Variants in PCDHA11 observed in about 807,000 individuals in gnomAD.
The protein encoded by PCDHA11 is protocadherin alpha 11.
Under a neutral mutation model 70.3 loss-of-function variants are expected in PCDHA11, and 61 were observed. That is an observed-to-expected ratio of 0.87 (90% CI 0.71 to 1.07). The LOEUF is 1.07. PCDHA11 is among the 50% of genes least tolerant of loss of function. The pLI is 0.00. For synonymous variants in PCDHA11, 633 were observed against 555.1 expected, an observed-to-expected ratio of 1.14 and a Z score of -1.97; for missense variants, 1,324 against 1,237.5, an observed-to-expected ratio of 1.07 and a Z score of -1.05.
intron 1 of PCDHA11, among the ~76,000 whole-genome samples, chr5:140,935,193 G>A (rs782043966): frequency 3.3e-5 from 5 of 152,122 alleles, no homozygotes; most frequent in Non-Finnish European, 4.4e-5. Flanking sequence ...GTCAGTTGCT[G>A]TTTCTAGGTA....
chr5:140,931,864 T>G (rs1554208617), intron 1 of PCDHA11, among the ~76,000 whole-genome samples: 1 of 151,976 alleles, frequency 6.6e-6, no homozygotes, highest in African/African-American at 2.4e-5. Flanking sequence ...ATTCTAGAAA[T>G]AAAATATTTA....
chr5:140,938,945 T>C (rs1390189208), intron 1 of PCDHA11, among the ~76,000 whole-genome samples: 8 of 152,154 alleles, frequency 5.3e-5, no homozygotes, highest in African/African-American at 1.9e-4. Flanking sequence ...TCCATTCTTA[T>C]AATGCTCTAG....
At chr5:140,955,146 T>C (rs184262984) in intron 1 of PCDHA11, among the ~76,000 whole-genome samples, 10 of 152,338 alleles carry the variant, frequency 6.6e-5, no homozygotes, top group African/African-American at 2.4e-4. Context: ...TCTGTTTTTG[T>C]ACCAGTACCG....
intron 1 of PCDHA11, among the ~76,000 whole-genome samples, chr5:140,900,279 C>A (rs2067883641): frequency 6.6e-6 from 1 of 151,672 alleles, no homozygotes. Flanking sequence ...ATGTACCACA[C>A]TTTCTTTTCT....
At chr5:140,876,532 T>C in intron 1 of PCDHA11, 4 of 1,614,158 alleles carry the variant, frequency 2.5e-6, no homozygotes, top group Middle Eastern at 1.6e-4. Context: ...AATGGTTACT[T>C]CACTGTCGCT....
At chr5:140,998,721 C>T (rs987484967) in intron 3 of PCDHA11, among the ~76,000 whole-genome samples, 3 of 152,084 alleles carry the variant, frequency 2.0e-5, no homozygotes, top group Non-Finnish European at 2.9e-5. Context: ...TGCACCACCA[C>T]GCTAGGCTAA....
intron 3 of PCDHA11, among the ~76,000 whole-genome samples, chr5:140,986,421 C>T (rs1554248030): frequency 6.6e-6 from 1 of 152,178 alleles, no homozygotes; most frequent in Non-Finnish European, 1.5e-5. Flanking sequence ...CTCTTTTTAA[C>T]TTCATGAGTA....
In PCDHA11 at chr5:140,968,269, T is replaced by C. The variant is rs558051125; in HGVS notation, c.2392-10680T>C. On this transcript the variant is annotated intron_variant, in intron 1 of 3. Coordinates refer to ENST00000398640, the MANE Select transcript of PCDHA11 (RefSeq NM_018902.5). ...CCACAGACCCAGATGAAAAGGAGAATGCAGAGGTGACCTACTCCCTTCTGG... is the reference window on the plus strand; with the variant it reads ...CCACAGACCCAGATGAAAAGGAGAACGCAGAGGTGACCTACTCCCTTCTGG... 6.9e-5 allele frequency: 112 copies of C among 1,614,074 alleles called. 2 individuals carry two copies. In the South Asian group the frequency reaches 1.1e-3, roughly 16 times the overall value.
intron 1 of PCDHA11, chr5:140,882,864 C>T (rs2059340057): frequency 6.2e-7 from 1 of 1,614,200 alleles, no homozygotes; most frequent in East Asian, 2.2e-5. Flanking sequence ...CTGAGGAAAA[C>T]ACTGGACAGA....
In PCDHA11 at chr5:140,883,441, G is replaced by A. The variant is rs782063932; in HGVS notation, c.2391+11947G>A. 3.1e-6 allele frequency: 5 copies of A among 1,614,130 alleles called. No homozygotes were observed. In the African/African-American group the frequency reaches 4.0e-5, roughly 13 times the overall value. Reference sequence around the variant, plus strand: ...GACAGGTCACCTGCACCTTGACGCCGCATGTCCCCTTCAAGCTGGTGTCCA... The same window carrying A: ...GACAGGTCACCTGCACCTTGACGCCACATGTCCCCTTCAAGCTGGTGTCCA... On this transcript the variant is annotated intron_variant, in intron 1 of 3. Transcript: ENST00000398640.
rs142468733 is a variant in PCDHA11 at position 140,884,535 on chromosome 5, C to G, written c.2391+13041C>G. 4,368 of 1,614,034 alleles carry G rather than the reference C, an allele frequency of 2.7e-3. 82 individuals are homozygous for G. The South Asian group carries it at 0.038, about 14-fold the overall frequency. On this transcript the variant is annotated intron_variant, in intron 1 of 3. Coordinates refer to ENST00000398640, the MANE Select transcript of PCDHA11 (RefSeq NM_018902.5). ...TGGTCGTACTCGCAGCAGAGGCGGC[C>G]GAGGGTGTGCTCTGGGGAGGGCCCG...
chr5:140,900,178 T>C (rs972449455), intron 1 of PCDHA11, among the ~76,000 whole-genome samples: 2 of 152,238 alleles, frequency 1.3e-5, no homozygotes, highest in African/African-American at 2.4e-5. Context: ...GCCTGGTTTA[T>C]GTCACTTATA....
At chr5:141,001,959 C>T (rs755695273) in intron 3 of PCDHA11, among the ~76,000 whole-genome samples, 8 of 152,098 alleles carry the variant, frequency 5.3e-5, no homozygotes, top group Admixed American at 3.9e-4. Context: ...GAGGGAGAGG[C>T]GGGGTGTCTC....
chr5:140,986,587 C>G (rs1194407522), intron 3 of PCDHA11, among the ~76,000 whole-genome samples: 1 of 152,208 alleles, frequency 6.6e-6, no homozygotes, highest in East Asian at 1.9e-4. Flanking sequence ...TCCAGCTCCT[C>G]TTTCTACATT....
At position 140,870,629 on chromosome 5, in the gene PCDHA11, T is replaced by C; in HGVS notation, c.1526T>C (p.Val509Ala). The change falls in exon 1 of 4, where the codon GTG becomes GCG. Residue 509 changes from valine (V) to alanine (A), a missense_variant. Physicochemically the swap from Val to Ala is moderately conservative, Grantham distance 64. Coordinates refer to ENST00000398640, the MANE Select transcript of PCDHA11 (RefSeq NM_018902.5). ...CGCGCGCTGTCGAGCTACGTGTCGG[T>C]GCACGCGGAGAGCGGCAAGGTGTAC... ...GDRALSSYVS[V>A]HAESGKVYAL... 2 of 1,612,984 alleles carry C rather than the reference T, an allele frequency of 1.2e-6. No homozygotes were observed. Among genetic ancestry groups the C allele is most frequent in the East Asian group, 4.5e-5 (2 of 44,850 alleles).
intron 1 of PCDHA11, among the ~76,000 whole-genome samples, chr5:140,904,728 T>G (rs1357605257): frequency 6.6e-6 from 1 of 152,198 alleles, no homozygotes; most frequent in Non-Finnish European, 1.5e-5. Flanking sequence ...CCAACATCTA[T>G]TATTTTTTTA....
Position 140,869,477 on chromosome 5 carries a change from A to T in PCDHA11, c.374A>T (p.Asp125Val). Reference sequence around the variant, plus strand: ...TTCCATGTGAACGTGGAGGTGAAGGACATTAACGACAACCCGCCGGTGTTC... The same window carrying T: ...TTCCATGTGAACGTGGAGGTGAAGGTCATTAACGACAACCCGCCGGTGTTC... ...QVFHVNVEVKDINDNPPVFSL... is the reference protein window; with the variant it reads ...QVFHVNVEVKVINDNPPVFSL... The change falls in exon 1 of 4, where the codon GAC becomes GTC. Residue 125 changes from aspartate to valine, a missense_variant. By Grantham distance (152) the Asp-to-Val change is radical. Coordinates refer to ENST00000398640, the MANE Select transcript of PCDHA11 (RefSeq NM_018902.5). 1.2e-6 allele frequency: 2 copies of T among 1,614,208 alleles called. No homozygotes were observed. The highest frequency in any genetic ancestry group is 2.7e-5 in the African/African-American group (2 of 75,056).
At chr5:140,942,541 G>C (rs1241528363) in intron 1 of PCDHA11, among the ~76,000 whole-genome samples, 1 of 152,056 alleles carries the variant, frequency 6.6e-6, no homozygotes, top group African/African-American at 2.4e-5. Context: ...CAGTATGGTG[G>C]GGGGTAGGGG....
intron 1 of PCDHA11, among the ~76,000 whole-genome samples, chr5:140,962,957 C>T (rs915413264): frequency 1.3e-5 from 2 of 152,014 alleles, no homozygotes; most frequent in Non-Finnish European, 2.9e-5. Flanking sequence ...ATGCTCTATC[C>T]CTATATAGGA....
Sources: allele counts gnomAD v4.1 joint callset (sites outside exome capture counted in the v4.1 genomes callset), GRCh38; gene constraint gnomAD v4.1.1; transcripts MANE v1.5; gene names NCBI Gene and HGNC (gene_info 2026-07-23, HGNC 2026-07-21).